NLRP3: variants seen among roughly 807,000 people sequenced by gnomAD.
NLRP3 encodes the protein NLR family pyrin domain containing 3.
In NLRP3, 48 loss-of-function variants were observed where a neutral mutation model predicts 91.3. The ratio of observed to expected loss-of-function variants is 0.53; its 90% CI spans 0.42 to 0.67. The LOEUF (loss-of-function observed/expected upper bound fraction) is 0.67, where lower values mean the gene tolerates loss of function less well. Among genes scored for constraint, NLRP3 ranks in the 30% least tolerant of loss-of-function variants. The pLI is 0.00. For synonymous variants in NLRP3, 561 were observed against 507.9 expected (o/e 1.10, Z -1.41); for missense variants, 982 against 1,276.9 (o/e 0.77, Z 3.52).
rs1662657718 is a variant in NLRP3 at position 247,423,909 on chromosome 1, G to T, written c.460G>T (p.Ala154Ser). 6.2e-7 allele frequency: 1 copy of T among 1,614,040 alleles called. No individual in the cohort carries two copies. The highest frequency in any genetic ancestry group is 8.5e-7 in the Non-Finnish European group (1 of 1,179,942). Residue 154 changes from alanine to serine, a missense_variant, in exon 4 of 10, where the codon GCC (alanine) becomes TCC (serine). By Grantham distance (99) the Ala-to-Ser change is moderately conservative (BLOSUM62 1). Transcript: ENST00000336119. ...SRFQCIEDRN[A>S]RLGESVSLNK... is the part of the protein sequence containing the mutation. ...ATTCCAGTGCATTGAAGACAGGAAT[G>T]CCCGTCTGGGTGAGAGTGTGAGCCT...
At chr1:247,429,197 C>A (rs1256801905) in intron 4 of NLRP3, among the ~76,000 whole-genome samples, 1 of 152,096 alleles carries the variant, frequency 6.6e-6, no homozygotes, top group Admixed American at 6.5e-5. Flanking sequence ...CCAGCCTGGC[C>A]TGAGGATTTT....
Position 247,448,770 on chromosome 1 carries a change from G to A in NLRP3, c.*266G>A. On this transcript the variant is annotated 3_prime_UTR_variant, in exon 10 of 10. Transcript: ENST00000336119. Reference sequence around the variant, plus strand: ...GCCTCAGTTAGAGGATGTTCCTCTTGGTGACCTCATGTAATTAGCTCATTC... The same window carrying A: ...GCCTCAGTTAGAGGATGTTCCTCTTAGTGACCTCATGTAATTAGCTCATTC... The A allele has an allele frequency of 1.9e-6, 1 of 515,114 alleles. No individual in the cohort carries two copies. The allele number at this position is 515,114 out of a possible 1,614,324, so 31.9% of individuals were successfully genotyped here.
At chr1:247,426,129 A>G (rs6426247) in intron 4 of NLRP3, among the ~76,000 whole-genome samples, 150,965 of 152,328 alleles carry the variant, frequency 0.99, 74,825 homozygotes, top group East Asian at 1. Flanking sequence ...TATGAGCCAA[A>G]TCATGAATGC....
Position 247,442,565 on chromosome 1 carries a change from A to G in NLRP3, c.2664-1407A>G, listed in dbSNP as rs77937171. On this transcript the variant is annotated intron_variant, in intron 7 of 9. Transcript: ENST00000336119. The stretch of plus-strand genomic sequence containing the variant: ...TCTAAAAGGCCTTTTGCTGTGCAGA[A>G]GGAAGAGAGAGGTGGACAGAAAGGG... Among the ~76,000 whole-genome samples the G allele has an allele frequency of 2.5e-3, 375 of 152,306 alleles. 10 individuals are homozygous for G. In the East Asian group the frequency reaches 0.051, roughly 21 times the overall value.
intron 7 of NLRP3, among the ~76,000 whole-genome samples, chr1:247,442,752 C>T (rs1664317462): frequency 6.6e-6 from 1 of 152,110 alleles, no homozygotes. Context: ...TCCTTCCTTG[C>T]CAGGTTGATA....
intron 7 of NLRP3, among the ~76,000 whole-genome samples, chr1:247,440,758 G>C (rs1352924871): frequency 6.6e-6 from 1 of 151,846 alleles, no homozygotes. Flanking sequence ...ACTATAGGTG[G>C]ACATCACTGT....
At chr1:247,440,359 A>G (rs555100228) in intron 7 of NLRP3, among the ~76,000 whole-genome samples, 30 of 152,290 alleles carry the variant, frequency 2.0e-4, no homozygotes, top group African/African-American at 7.0e-4. Flanking sequence ...CTGAGTGAGT[A>G]AACGGGGGAC....
chr1:247,419,222 T>G (rs1662282557), intron 2 of NLRP3, 145 bp downstream of exon 2: 1 of 457,070 alleles, frequency 2.2e-6, no homozygotes. Context: ...TGGTGAGATC[T>G]TGGCTCACTG....
At chr1:247,421,143 C>T (rs948797204) in intron 2 of NLRP3, among the ~76,000 whole-genome samples, 1 of 152,098 alleles carries the variant, frequency 6.6e-6, no homozygotes, top group African/African-American at 2.4e-5. Flanking sequence ...TTTCTTTTGT[C>T]TTGTGTTCTA....
chr1:247,446,686 T>TC (rs397783913), intron 9 of NLRP3, among the ~76,000 whole-genome samples: 1 of 151,492 alleles, frequency 6.6e-6, no homozygotes, highest in Admixed American at 6.6e-5. Context: ...AAGCACTTTT[T>TC]CTTCTCTTCT....
intron 3 of NLRP3, 42 bp from the exon 4 acceptor site, chr1:247,423,805 A>T (rs983319305): frequency 6.4e-7 from 1 of 1,567,350 alleles, no homozygotes; most frequent in Non-Finnish European, 8.8e-7. Context: ...TCTCAGGTGG[A>T]TGTGTGTATA....
chr1:247,420,410 G>A (rs1018899409), intron 2 of NLRP3, among the ~76,000 whole-genome samples: 1 of 148,052 alleles, frequency 6.8e-6, no homozygotes, highest in African/African-American at 2.6e-5. Flanking sequence ...AAGTTAGTAT[G>A]ATTTTTTTTT....
intron 7 of NLRP3, among the ~76,000 whole-genome samples, chr1:247,442,857 G>A (rs1664322729): frequency 6.6e-6 from 1 of 152,188 alleles, no homozygotes; most frequent in African/African-American, 2.4e-5. Context: ...GATTGTCTGA[G>A]CCCAGGAGTT....
At position 247,429,604 on chromosome 1, in the gene NLRP3, A is replaced by G; in HGVS notation, c.2170A>G (p.Thr724Ala). The G allele has an allele frequency of 6.2e-7, 1 of 1,614,198 alleles. No individual in the cohort carries two copies. Among genetic ancestry groups the G allele is most frequent in the South Asian group, 1.1e-5 (1 of 91,086 alleles). ...CSHGLVNSHL[T>A]SSFCRGLFSV... Reference sequence around the variant, plus strand: ...TCCTAGATTGGTGAACAGCCACCTCACTTCCAGTTTTTGCCGGGGCCTCTT... The same window carrying G: ...TCCTAGATTGGTGAACAGCCACCTCGCTTCCAGTTTTTGCCGGGGCCTCTT... Residue 724 changes from threonine (T) to alanine (A), a missense_variant, in exon 5 of 10, where the codon ACT (threonine) becomes GCT (alanine). Around this residue, in one of 5 missense-constraint regions of NLRP3, gnomAD observed 373 missense variants for 431.5 expected, o/e 0.86. Transcript: ENST00000336119.
intron 7 of NLRP3, 73 bp downstream of exon 7, chr1:247,436,213 G>A: frequency 2.0e-6 from 3 of 1,495,890 alleles, no homozygotes; most frequent in African/African-American, 1.4e-5. Context: ...AATGTGGATG[G>A]GGGTTACTTT....
rs1432223925 is a variant in NLRP3 at position 247,448,716 on chromosome 1, A to G, written c.*212A>G. 2 of 610,668 alleles carry G rather than the reference A, an allele frequency of 3.3e-6. No individual in the cohort carries two copies. Among genetic ancestry groups the G allele is most frequent in the Non-Finnish European group, 5.9e-6 (2 of 337,950 alleles). The allele number at this position is 610,668 out of a possible 1,614,324, so 37.8% of individuals were successfully genotyped here. Reference sequence around the variant, plus strand: ...GGGTGAGGAAGACACCAGGACAATGACAGCATCGGGTGTTGTTGTCATCAC... The same window carrying G: ...GGGTGAGGAAGACACCAGGACAATGGCAGCATCGGGTGTTGTTGTCATCAC... On this transcript the variant is annotated 3_prime_UTR_variant, in exon 10 of 10. Coordinates refer to ENST00000336119, the MANE Select transcript of NLRP3 (RefSeq NM_001243133.2).
intron 6 of NLRP3, among the ~76,000 whole-genome samples, chr1:247,434,595 C>T (rs1663652427): frequency 6.6e-6 from 1 of 152,158 alleles, no homozygotes; most frequent in Non-Finnish European, 1.5e-5. Context: ...TCATGACAAG[C>T]CCTGGGTCCT....
In NLRP3 at chr1:247,425,562, G is replaced by A. The variant is rs375052059; in HGVS notation, c.2113G>A (p.Val705Ile). 11 of 1,610,474 alleles carry A rather than the reference G, an allele frequency of 6.8e-6. No homozygotes were observed. The African/African-American group carries it at 1.2e-4, about 18-fold the overall frequency. Residue 705 changes from valine to isoleucine, a missense_variant, in exon 4 of 10, where the codon GTC becomes ATC. Around this residue, in one of 5 missense-constraint regions of NLRP3, gnomAD observed 373 missense variants for 431.5 expected, o/e 0.86. Transcript: ENST00000336119. This position sits in a 1 kb window ranked among gnomAD's most constrained non-coding sequence, Gnocchi z 4.1. ...CCGACACCTTGATATGGTGCAGTGT[G>A]TCCTCCCAAGCTCCTCTCATGCTGC... ...EGRHLDMVQCVLPSSSHAACS... is the reference protein window; with the variant it reads ...EGRHLDMVQCILPSSSHAACS...
chr1:247,443,076 C>T (rs930221714), intron 7 of NLRP3, among the ~76,000 whole-genome samples: 1 of 152,146 alleles, frequency 6.6e-6, no homozygotes, highest in Non-Finnish European at 1.5e-5. Context: ...CAGGTGCCCA[C>T]CACCACCCTA....
Sources: allele counts gnomAD v4.1 joint callset (sites outside exome capture counted in the v4.1 genomes callset), GRCh38; gene constraint gnomAD v4.1.1; regional missense constraint gnomAD v4.1.1; non-coding constraint Gnocchi (gnomAD v3.1); transcripts MANE v1.5; gene names NCBI Gene and HGNC (gene_info 2026-07-23, HGNC 2026-07-21).